GRID1: variants seen among roughly 807,000 people sequenced by gnomAD.
GRID1 encodes the protein glutamate receptor ionotropic, delta-1.
Under a neutral mutation model 98.0 loss-of-function variants are expected in GRID1, and 28 were observed. The observed-to-expected ratio is 0.29, with a 90% CI of 0.21 to 0.39. The LOEUF (loss-of-function observed/expected upper bound fraction) is 0.39, where lower values mean the gene tolerates loss of function less well. Ranked by LOEUF, GRID1 falls within the 10% of genes least tolerant of loss-of-function variation. GRID1 has a pLI of 1.00. For missense variants in GRID1, 1,111 were observed against 1,340.5 expected (o/e 0.83, Z 2.67); for synonymous variants, 553 against 538.5 (o/e 1.03, Z -0.37).
chr10:85,758,229 A>G (rs1842117080), intron 8 of GRID1, among the ~76,000 whole-genome samples: 1 of 152,246 alleles, frequency 6.6e-6, no homozygotes, highest in Non-Finnish European at 1.5e-5. Context: ...GCATTATCAA[A>G]TAATTGCAAA....
chr10:86,352,616 A>C lies in GRID1; in HGVS notation c.235+11325T>G, dbSNP rs73342257. On this transcript the variant is annotated intron_variant, in intron 2 of 15. Coordinates refer to ENST00000327946, the MANE Select transcript of GRID1 (RefSeq NM_017551.3). ...ATCCCATCATGAGGGCCCCACCCTT[A>C]TGACCCCATCTAAACCTAATTACCT... Among the ~76,000 whole-genome samples the C allele has an allele frequency of 9.1e-3, 1,384 of 152,224 alleles. 13 individuals carry two copies. Among genetic ancestry groups the C allele is most frequent in the South Asian group, 0.022 (106 of 4,820 alleles).
At chr10:85,797,612 T>TC (rs1803657522) in intron 8 of GRID1, among the ~76,000 whole-genome samples, 2 of 148,352 alleles carry the variant, frequency 1.3e-5, no homozygotes, top group African/African-American at 4.9e-5. Context: ...AATCTGTATT[T>TC]TTTTTTTTTT....
Position 86,206,400 on chromosome 10 carries a change from A to G in GRID1, c.484T>C (p.Trp162Arg). ...TCGTAGAACATGACGAACTTCTGCC[A>G]GCGCAGCTCCGTCACCAGCCTGAGC... The part of the protein sequence containing the change: ...VMLRLVTELR[W>R]QKFVMFYDSE... Residue 162 changes from tryptophan (W) to arginine (R), a missense_variant, in exon 3 of 16, where the codon TGG becomes CGG. Trp to Arg is a moderately radical substitution (Grantham distance 101, BLOSUM62 -3). Coordinates refer to ENST00000327946, the MANE Select transcript of GRID1 (RefSeq NM_017551.3). The surrounding 1 kb of genome is among the most constrained non-coding windows in gnomAD (Gnocchi z 4.1). The G allele has an allele frequency of 3.1e-6, 5 of 1,608,912 alleles. No individual in the cohort carries two copies. The highest frequency in any genetic ancestry group is 4.3e-6 in the Non-Finnish European group (5 of 1,175,712).
intron 12 of GRID1, among the ~76,000 whole-genome samples, chr10:85,656,179 C>T (rs1840893080): frequency 6.6e-6 from 1 of 152,166 alleles, no homozygotes; most frequent in Non-Finnish European, 1.5e-5. Flanking sequence ...CTCCCAAATA[C>T]AGTGGCCAAT....
intron 2 of GRID1, among the ~76,000 whole-genome samples, chr10:86,222,080 G>A (rs766734444): frequency 3.9e-5 from 6 of 152,186 alleles, no homozygotes; most frequent in African/African-American, 7.2e-5. Context: ...AAGCTGGCAG[G>A]ACTAGGGAAG....
At chr10:85,910,181 G>A (rs1183195413) in intron 5 of GRID1, among the ~76,000 whole-genome samples, 1 of 152,064 alleles carries the variant, frequency 6.6e-6, no homozygotes, top group Non-Finnish European at 1.5e-5. Context: ...ATTTGAAGAT[G>A]GTAAATGGTA....
chr10:86,334,051 G>A (rs948338097), intron 2 of GRID1, among the ~76,000 whole-genome samples: 5 of 151,968 alleles, frequency 3.3e-5, no homozygotes, highest in African/African-American at 1.2e-4. Flanking sequence ...CTGGCCAGGG[G>A]AAGCCCCTCA....
intron 12 of GRID1, among the ~76,000 whole-genome samples, chr10:85,681,076 A>G (rs1841203540): frequency 6.6e-6 from 1 of 152,200 alleles, no homozygotes; most frequent in Admixed American, 6.5e-5. Context: ...AGACTTCGTC[A>G]CTACGCAATA....
At chr10:85,911,384 T>C (rs1841535465) in intron 5 of GRID1, among the ~76,000 whole-genome samples, 1 of 152,070 alleles carries the variant, frequency 6.6e-6, no homozygotes, top group African/African-American at 2.4e-5. Flanking sequence ...TCTCTGGATC[T>C]GGAGCTCAAG....
At chr10:85,876,256 T>G (rs1843330189) in intron 5 of GRID1, among the ~76,000 whole-genome samples, 1 of 108,252 alleles carries the variant, frequency 9.2e-6, no homozygotes, top group Non-Finnish European at 2.0e-5. Context: ...GTGGCCAGGA[T>G]GCCCTCCTTT....
At chr10:85,713,445 C>T (rs747553787) in intron 12 of GRID1, among the ~76,000 whole-genome samples, 3 of 151,616 alleles carry the variant, frequency 2.0e-5, no homozygotes, top group Admixed American at 1.3e-4. Flanking sequence ...GCCAATCCTT[C>T]TCAAACACTT....
chr10:85,912,126 C>T (rs1841547651), intron 5 of GRID1, among the ~76,000 whole-genome samples: 1 of 152,218 alleles, frequency 6.6e-6, no homozygotes, highest in Non-Finnish European at 1.5e-5. Context: ...ATTGAGGATT[C>T]AGTGATGAGC....
chr10:86,081,813 G>A (rs1843982470), intron 4 of GRID1, among the ~76,000 whole-genome samples: 1 of 152,130 alleles, frequency 6.6e-6, no homozygotes. Context: ...TCTAGAAAAG[G>A]CAAAACTATA....
intron 9 of GRID1, 122 bp downstream of exon 9, chr10:85,729,391 T>G (rs1480949578): frequency 1.2e-5 from 7 of 591,290 alleles, no homozygotes; most frequent in Admixed American, 1.1e-4. Context: ...AAAGGCCTTA[T>G]GAAAGCTCAC....
chr10:85,665,605 G>A (rs1590181112), intron 12 of GRID1, among the ~76,000 whole-genome samples: 1 of 152,304 alleles, frequency 6.6e-6, no homozygotes, highest in South Asian at 2.1e-4. Flanking sequence ...TACTTATGCA[G>A]ATGTGGTCTT....
At chr10:85,651,264 T>C (rs920727537) in intron 12 of GRID1, among the ~76,000 whole-genome samples, 6 of 152,232 alleles carry the variant, frequency 3.9e-5, no homozygotes, top group African/African-American at 1.4e-4. Context: ...AGTAGACTGC[T>C]TATCAGTAGT....
At chr10:85,709,291 C>T (rs7914829) in intron 12 of GRID1, 75,691 of 155,806 alleles carry the variant, frequency 0.49, 18,810 homozygotes, top group Middle Eastern at 0.6. Flanking sequence ...GCTCTTCCTT[C>T]AGTTGACTTA....
intron 3 of GRID1, among the ~76,000 whole-genome samples, chr10:86,180,990 G>A (rs764271912): frequency 2.6e-5 from 4 of 152,134 alleles, no homozygotes; most frequent in Non-Finnish European, 5.9e-5. Context: ...TCCTCGCTTG[G>A]ATGCTGGCCA....
intron 2 of GRID1, among the ~76,000 whole-genome samples, chr10:86,292,747 C>T (rs1038652165): frequency 4.6e-5 from 7 of 150,856 alleles, no homozygotes; most frequent in Admixed American, 6.6e-5. Flanking sequence ...GTGTGAGTGT[C>T]GGGAGTGGGT....
Sources: allele counts gnomAD v4.1 joint callset (sites outside exome capture counted in the v4.1 genomes callset), GRCh38; gene constraint gnomAD v4.1.1; non-coding constraint Gnocchi (gnomAD v3.1); transcripts MANE v1.5; gene names NCBI Gene and HGNC (gene_info 2026-07-23, HGNC 2026-07-21).